Variants in SPECC1 observed in about 807,000 individuals in gnomAD.
SPECC1 encodes cytospin-B.
SPECC1 carries 62 observed loss-of-function variants against 104.1 expected under a neutral mutation model. That is an observed-to-expected ratio of 0.60 (90% CI 0.49 to 0.74). SPECC1 has a LOEUF of 0.74. Ranked by LOEUF, SPECC1 falls within the 30% of genes least tolerant of loss-of-function variation. The probability of loss-of-function intolerance (pLI) is 0.00; values close to 1 mark genes in which losing one functional copy is unlikely to be tolerated. For missense variants in SPECC1, 1,306 were observed against 1,310.5 expected (o/e 1.00, Z 0.05); for synonymous variants, 513 against 501.6 (o/e 1.02, Z -0.30).
chr17:20,283,024 G>GA (rs530589726), intron 12 of SPECC1, among the ~76,000 whole-genome samples: 13 of 149,300 alleles, frequency 8.7e-5, no homozygotes, highest in South Asian at 2.1e-4. Context: ...AAGAAAAGAT[G>GA]AAAAAAAAAA....
intron 2 of SPECC1, among the ~76,000 whole-genome samples, chr17:20,097,269 G>A (rs901200486): frequency 6.6e-6 from 1 of 152,094 alleles, no homozygotes; most frequent in Non-Finnish European, 1.5e-5. Flanking sequence ...AGGTTGGGTG[G>A]GCCCATGCCA....
At chr17:20,183,895 G>A (rs2035080210) in intron 3 of SPECC1, among the ~76,000 whole-genome samples, 1 of 151,966 alleles carries the variant, frequency 6.6e-6, no homozygotes, top group Non-Finnish European at 1.5e-5. Context: ...TGTCAACCGG[G>A]CGTGGTGGCT....
At chr17:20,101,360 A>G (rs924061892) in intron 2 of SPECC1, among the ~76,000 whole-genome samples, 1 of 152,208 alleles carries the variant, frequency 6.6e-6, no homozygotes, top group Non-Finnish European at 1.5e-5. Flanking sequence ...TCGCCATTCT[A>G]ACTGGCGTGA....
intron 12 of SPECC1, among the ~76,000 whole-genome samples, chr17:20,274,721 C>G (rs941791760): frequency 6.6e-6 from 1 of 151,546 alleles, no homozygotes; most frequent in Admixed American, 6.6e-5. Flanking sequence ...ACCTTGTGAT[C>G]CACCTGCCTT....
intron 5 of SPECC1, among the ~76,000 whole-genome samples, chr17:20,228,458 G>T (rs1297715192): frequency 1.3e-5 from 2 of 152,214 alleles, no homozygotes; most frequent in Admixed American, 6.5e-5. Flanking sequence ...GGATACTTTA[G>T]CTGTGACTGT....
intron 3 of SPECC1, among the ~76,000 whole-genome samples, chr17:20,179,296 A>C (rs887912908): frequency 6.6e-6 from 1 of 152,288 alleles, no homozygotes; most frequent in Non-Finnish European, 1.5e-5. Flanking sequence ...TAAAGTCTAC[A>C]GTGAGTGCCT....
intron 12 of SPECC1, among the ~76,000 whole-genome samples, chr17:20,288,535 A>G (rs569275255): frequency 1.3e-5 from 2 of 152,366 alleles, no homozygotes; most frequent in African/African-American, 4.8e-5. Flanking sequence ...ACAGTGAGAT[A>G]CCATGTCACA....
chr17:20,082,868 A>T (rs932377300), intron 1 of SPECC1, among the ~76,000 whole-genome samples: 7 of 151,968 alleles, frequency 4.6e-5, no homozygotes, highest in Non-Finnish European at 7.4e-5. Flanking sequence ...TCTCAGTGAG[A>T]TGCCACTTTC....
At chr17:20,120,059 G>C (rs1420002529) in intron 3 of SPECC1, among the ~76,000 whole-genome samples, 1 of 152,146 alleles carries the variant, frequency 6.6e-6, no homozygotes, top group Non-Finnish European at 1.5e-5. Flanking sequence ...TTTGGATAAG[G>C]GATACTCACC....
chr17:20,104,018 C>T (rs1460600484), intron 2 of SPECC1, among the ~76,000 whole-genome samples: 1 of 152,142 alleles, frequency 6.6e-6, no homozygotes, highest in East Asian at 1.9e-4. Flanking sequence ...AGGCCCTAGG[C>T]TATGAGTGGT....
At chr17:20,100,354 G>C (rs916055170) in intron 2 of SPECC1, among the ~76,000 whole-genome samples, 1 of 152,196 alleles carries the variant, frequency 6.6e-6, no homozygotes, top group Non-Finnish European at 1.5e-5. Context: ...GGAAGTCAGA[G>C]AGCAGAAGAG....
At chr17:20,212,104 C>G (rs1324725995) in intron 4 of SPECC1, among the ~76,000 whole-genome samples, 1 of 152,232 alleles carries the variant, frequency 6.6e-6, no homozygotes, top group East Asian at 1.9e-4. Flanking sequence ...TTTGAGTTTT[C>G]TAACAGCCTT....
chr17:20,160,355 G>A (rs1430336918), intron 3 of SPECC1, among the ~76,000 whole-genome samples: 1 of 152,080 alleles, frequency 6.6e-6, no homozygotes, highest in African/African-American at 2.4e-5. Context: ...AAGGCGTGTG[G>A]AGGACCCTGC....
intron 7 of SPECC1, among the ~76,000 whole-genome samples, chr17:20,239,970 T>C (rs969490551): frequency 4.5e-5 from 6 of 134,112 alleles, no homozygotes; most frequent in Admixed American, 8.4e-5. Flanking sequence ...CATGGCTCAC[T>C]GCAGCCTCAA....
chr17:20,253,406 G>T (rs898699388), intron 9 of SPECC1, 99 bp from the exon 10 acceptor site: 20 of 1,159,278 alleles, frequency 1.7e-5, no homozygotes, highest in Non-Finnish European at 2.4e-5. Context: ...CTGTGTTTAA[G>T]AACTGTTGCA....
At chr17:20,062,719 C>T (rs1329219339) in intron 1 of SPECC1, among the ~76,000 whole-genome samples, 1 of 150,670 alleles carries the variant, frequency 6.6e-6, no homozygotes, top group Non-Finnish European at 1.5e-5. Context: ...GATGTAGTCT[C>T]AATCTGTCAC....
At chr17:20,156,101 A>G (rs2032469966) in intron 3 of SPECC1, 1 of 1,355,990 alleles carries the variant, frequency 7.4e-7, no homozygotes, top group Non-Finnish European at 9.5e-7. Context: ...GACCCGCCGG[A>G]CGCAACCGCC....
chr17:20,176,860 C>T (rs1440056362), intron 3 of SPECC1, among the ~76,000 whole-genome samples: 1 of 152,092 alleles, frequency 6.6e-6, no homozygotes, highest in Non-Finnish European at 1.5e-5. Context: ...CTGCAAAATC[C>T]CTTTGTTGTG....
At chr17:20,150,590 G>T (rs2031916984) in intron 3 of SPECC1, among the ~76,000 whole-genome samples, 1 of 150,678 alleles carries the variant, frequency 6.6e-6, no homozygotes, top group Non-Finnish European at 1.5e-5. Context: ...AGTGAGCCGA[G>T]ATCGCACCAC....
Sources: allele counts gnomAD v4.1 joint callset (sites outside exome capture counted in the v4.1 genomes callset), GRCh38; gene constraint gnomAD v4.1.1; transcripts MANE v1.5; gene names NCBI Gene and HGNC (gene_info 2026-07-23, HGNC 2026-07-21).